PHACTR1: variants seen among roughly 807,000 people sequenced by gnomAD.
The protein encoded by PHACTR1 is RPEL repeat containing 1.
In PHACTR1, 16 loss-of-function variants were observed where a neutral mutation model predicts 69.2. That is an observed-to-expected ratio of 0.23 (90% CI 0.16 to 0.35). The LOEUF is 0.35. Ranked by LOEUF, PHACTR1 falls within the 10% of genes least tolerant of loss-of-function variation. The probability of loss-of-function intolerance (pLI) is 1.00; values close to 1 mark genes in which losing one functional copy is unlikely to be tolerated. For missense variants in PHACTR1, 510 were observed against 734.7 expected, an observed-to-expected ratio of 0.69 and a Z score of 3.54; for synonymous variants, 312 against 284.5, an observed-to-expected ratio of 1.10 and a Z score of -0.97.
chr6:12,898,529 C>T (rs1784899935), intron 4 of PHACTR1, among the ~76,000 whole-genome samples: 1 of 152,214 alleles, frequency 6.6e-6, no homozygotes, highest in Non-Finnish European at 1.5e-5. Flanking sequence ...GACCAAATGG[C>T]CAACTCCTGT....
chr6:13,182,796 G>GC, intron 7 of PHACTR1, 110 bp downstream of exon 7: 2 of 1,078,628 alleles, frequency 1.9e-6, no homozygotes, highest in Non-Finnish European at 2.5e-6. Context: ...TATCCTGAGC[G>GC]TAAGGATCTG....
At chr6:12,835,794 T>G (rs1778094315) in intron 4 of PHACTR1, among the ~76,000 whole-genome samples, 2 of 152,150 alleles carry the variant, frequency 1.3e-5, no homozygotes, top group South Asian at 4.1e-4. Context: ...TTAAGTAACA[T>G]AAAAAGTTAG....
intron 4 of PHACTR1, among the ~76,000 whole-genome samples, chr6:12,904,161 A>C (rs1011005950): frequency 2.0e-5 from 3 of 152,238 alleles, no homozygotes; most frequent in Non-Finnish European, 4.4e-5. Context: ...CAAAACATAC[A>C]TATGAATTAA....
intron 4 of PHACTR1, 100 bp downstream of exon 4, chr6:12,749,890 C>G: frequency 8.4e-7 from 1 of 1,190,340 alleles, no homozygotes; most frequent in Non-Finnish European, 1.1e-6. Context: ...CCGCCGCCCC[C>G]CGCAGTCGGG....
intron 4 of PHACTR1, among the ~76,000 whole-genome samples, chr6:12,858,471 T>G (rs577610482): frequency 2.6e-5 from 4 of 152,296 alleles, no homozygotes; most frequent in Admixed American, 6.5e-5. Flanking sequence ...GTATACTTCA[T>G]AAGAATGTGG....
chr6:12,839,411 T>C (rs1778473835), intron 4 of PHACTR1, among the ~76,000 whole-genome samples: 1 of 152,060 alleles, frequency 6.6e-6, no homozygotes, highest in African/African-American at 2.4e-5. Context: ...ATCAGGATAT[T>C]TTTCATCCCC....
chr6:12,802,472 T>C (rs1561896377), intron 4 of PHACTR1, among the ~76,000 whole-genome samples: 1 of 152,030 alleles, frequency 6.6e-6, no homozygotes, highest in Admixed American at 6.6e-5. Context: ...AAATGATGTA[T>C]ATACAAGTAT....
At chr6:12,727,530 A>G (rs1328996353) in intron 3 of PHACTR1, among the ~76,000 whole-genome samples, 1 of 152,186 alleles carries the variant, frequency 6.6e-6, no homozygotes, top group Non-Finnish European at 1.5e-5. Flanking sequence ...AAAATGAGAG[A>G]ACGAGAGCCA....
intron 4 of PHACTR1, among the ~76,000 whole-genome samples, chr6:12,894,665 C>G (rs575594835): frequency 6.6e-6 from 1 of 152,130 alleles, no homozygotes; most frequent in Non-Finnish European, 1.5e-5. Flanking sequence ...TCACCCCTAA[C>G]CACATAGTAG....
chr6:12,909,068 C>T (rs931005039), intron 4 of PHACTR1, among the ~76,000 whole-genome samples: 4 of 152,132 alleles, frequency 2.6e-5, no homozygotes, highest in African/African-American at 9.7e-5. Context: ...GGTGAGGACC[C>T]ACATTGTCAC....
intron 13 of PHACTR1, among the ~76,000 whole-genome samples, chr6:13,284,717 T>C (rs1447413673): frequency 1.3e-5 from 2 of 151,822 alleles, no homozygotes; most frequent in African/African-American, 2.4e-5. Flanking sequence ...TTTTCTTATA[T>C]GATACAGCAG....
At chr6:13,044,127 TTAAA>T (rs1270232426) in intron 4 of PHACTR1, among the ~76,000 whole-genome samples, 1 of 152,108 alleles carries the variant, frequency 6.6e-6, no homozygotes, top group Non-Finnish European at 1.5e-5. Context: ...AATTTTAAAT[TTAAA>T]TAGGAACTTT....
chr6:12,833,960 G>A (rs939290351), intron 4 of PHACTR1, among the ~76,000 whole-genome samples: 3 of 152,082 alleles, frequency 2.0e-5, no homozygotes, highest in Non-Finnish European at 4.4e-5. Context: ...TAGCTGCATC[G>A]TTTTTGTAAA....
At chr6:13,070,862 G>T (rs1218950650) in intron 5 of PHACTR1, among the ~76,000 whole-genome samples, 2 of 151,854 alleles carry the variant, frequency 1.3e-5, no homozygotes, top group South Asian at 4.2e-4. Context: ...GGTTTTTGTT[G>T]GTTGATTGGT....
chr6:12,933,737 C>A lies in PHACTR1; in HGVS notation c.251-119628C>A, dbSNP rs78704568. 1.2e-3 allele frequency: 1,877 copies of A among 1,612,822 alleles called. 25 individuals are homozygous for A. The African/African-American group carries it at 0.022, about 19-fold the overall frequency. Reference sequence around the variant, plus strand: ...ACTGTGTTCCCTGGAAAACCACGGCCTCCTGAAGACAGCCCCTACATACAC... The same window carrying A: ...ACTGTGTTCCCTGGAAAACCACGGCATCCTGAAGACAGCCCCTACATACAC... On this transcript the variant is annotated intron_variant, in intron 4 of 14. Transcript: ENST00000332995.
intron 5 of PHACTR1, among the ~76,000 whole-genome samples, chr6:13,088,438 A>G (rs995648818): frequency 6.6e-6 from 1 of 151,772 alleles, no homozygotes; most frequent in African/African-American, 2.4e-5. Flanking sequence ...GATTCTCCCT[A>G]TGCTTTCTAA....
Position 12,957,101 on chromosome 6 carries a change from G to C in PHACTR1, c.251-96264G>C, listed in dbSNP as rs1266706449. ...GGGGTGGGGTGGATGATGCTGGGGGGTGGGGGAAAGGGGAGGCAAGTGTGG... is the reference window on the plus strand; with the variant it reads ...GGGGTGGGGTGGATGATGCTGGGGGCTGGGGGAAAGGGGAGGCAAGTGTGG... On this transcript the variant is annotated intron_variant, in intron 4 of 14. Transcript: ENST00000332995. 2.7e-5 allele frequency among the ~76,000 whole-genome samples: 4 copies of C among 148,940 alleles called. 1 individual carries two copies. The East Asian group carries it at 5.9e-4, about 22-fold the overall frequency.
At chr6:13,203,719 A>T (rs1304033099) in intron 7 of PHACTR1, among the ~76,000 whole-genome samples, 1 of 152,190 alleles carries the variant, frequency 6.6e-6, no homozygotes, top group Non-Finnish European at 1.5e-5. Context: ...GGAAAGTGAC[A>T]TGCAAAAGCC....
chr6:13,121,272 G>A (rs1818686814), intron 5 of PHACTR1, among the ~76,000 whole-genome samples: 1 of 152,110 alleles, frequency 6.6e-6, no homozygotes, highest in Non-Finnish European at 1.5e-5. Flanking sequence ...GGACGGAATG[G>A]TGAGAGGCAC....
Sources: allele counts gnomAD v4.1 joint callset (sites outside exome capture counted in the v4.1 genomes callset), GRCh38; gene constraint gnomAD v4.1.1; transcripts MANE v1.5; gene names NCBI Gene and HGNC (gene_info 2026-07-23, HGNC 2026-07-21).